NRCAM: variants seen among roughly 807,000 people sequenced by gnomAD.
The protein encoded by NRCAM is NgCAM-related cell adhesion molecule.
NRCAM carries 83 observed loss-of-function variants against 156.5 expected under a neutral mutation model. The observed-to-expected ratio is 0.53, with a 90% CI of 0.44 to 0.64. The LOEUF (loss-of-function observed/expected upper bound fraction) is 0.64, where lower values mean the gene tolerates loss of function less well. NRCAM is among the 30% of genes least tolerant of loss of function. The pLI, the probability that NRCAM is intolerant of heterozygous loss-of-function variation, is 0.00. For synonymous variants in NRCAM, 538 were observed against 563.9 expected (o/e 0.95, Z 0.65); for missense variants, 1,417 against 1,597.3 (o/e 0.89, Z 1.92).
At chr7:108,296,497 G>A (rs1466186048) in intron 3 of NRCAM, among the ~76,000 whole-genome samples, 1 of 151,982 alleles carries the variant, frequency 6.6e-6, no homozygotes, top group Non-Finnish European at 1.5e-5. Flanking sequence ...TGAAGCAGTA[G>A]CAACTCAATA....
intron 3 of NRCAM, among the ~76,000 whole-genome samples, chr7:108,244,157 A>G (rs916615143): frequency 6.6e-6 from 1 of 152,134 alleles, no homozygotes; most frequent in African/African-American, 2.4e-5. Flanking sequence ...CCAGAATTTG[A>G]AGGCCACGCA....
intron 11 of NRCAM, among the ~76,000 whole-genome samples, chr7:108,214,892 C>A (rs2153626375): frequency 6.6e-6 from 1 of 152,250 alleles, no homozygotes; most frequent in African/African-American, 2.4e-5. Flanking sequence ...GATCAGTTTC[C>A]ATGTAGTTGT....
chr7:108,215,184 T>C (rs889262106), intron 11 of NRCAM, among the ~76,000 whole-genome samples: 4 of 151,828 alleles, frequency 2.6e-5, no homozygotes, highest in East Asian at 3.9e-4. Context: ...TGTCTAATAT[T>C]GACAGCAGGG....
At chr7:108,341,542 G>A (rs1407727480) in intron 2 of NRCAM, among the ~76,000 whole-genome samples, 1 of 152,076 alleles carries the variant, frequency 6.6e-6, no homozygotes, top group Admixed American at 6.5e-5. Context: ...CAAAAGCAGG[G>A]GCCATTATAC....
chr7:108,175,283 T>A, intron 28 of NRCAM, 39 bp downstream of exon 28: 1 of 1,533,016 alleles, frequency 6.5e-7, no homozygotes, highest in Non-Finnish European at 8.8e-7. Flanking sequence ...CATTGCAAAT[T>A]TCACACATGT....
At chr7:108,222,393 T>C (rs2092570392) in intron 11 of NRCAM, among the ~76,000 whole-genome samples, 1 of 152,336 alleles carries the variant, frequency 6.6e-6, no homozygotes, top group Admixed American at 6.5e-5. Flanking sequence ...TATTGTGAAA[T>C]TTCCAAATAC....
chr7:108,424,607 T>G (rs1814575276), intron 1 of NRCAM, among the ~76,000 whole-genome samples: 1 of 152,080 alleles, frequency 6.6e-6, no homozygotes, highest in African/African-American at 2.4e-5. Flanking sequence ...TAAAACTGAA[T>G]GTAGGTTAGT....
At chr7:108,430,085 TG>T (rs201085161) in intron 1 of NRCAM, among the ~76,000 whole-genome samples, 1 of 151,976 alleles carries the variant, frequency 6.6e-6, no homozygotes, top group Admixed American at 6.6e-5. Context: ...AGAGCTGAGT[TG>T]GGGGGTGCAC....
chr7:108,267,060 GT>G (rs1366154882), intron 3 of NRCAM, among the ~76,000 whole-genome samples: 34 of 152,168 alleles, frequency 2.2e-4, no homozygotes, highest in Admixed American at 2.2e-3. Context: ...CCAATAGGGT[GT>G]TATAAAGAGG....
intron 2 of NRCAM, among the ~76,000 whole-genome samples, chr7:108,318,804 G>A (rs1392578688): frequency 1.3e-5 from 2 of 152,168 alleles, no homozygotes; most frequent in Admixed American, 6.5e-5. Flanking sequence ...CCTAGCCCTG[G>A]AACAGCCTCC....
intron 7 of NRCAM, among the ~76,000 whole-genome samples, 183 bp downstream of exon 7, chr7:108,232,143 C>T (rs1410226830): frequency 1.3e-5 from 2 of 151,948 alleles, no homozygotes; most frequent in Admixed American, 6.6e-5. Flanking sequence ...ATTGGTAAAG[C>T]ATTGGACTAA....
At position 108,148,583 on chromosome 7, in the gene NRCAM, T is replaced by G. The variant is rs2039873349; in HGVS notation, c.*1327A>C. On this transcript the variant is annotated 3_prime_UTR_variant, in exon 33 of 33. Coordinates refer to ENST00000379028, the MANE Select transcript of NRCAM (RefSeq NM_001037132.4). ...CTTTTTAAACTGCAGATGTAATCCC[T>G]TGGACCGTTGGCCTTTTAAGCACTT... 2 of 152,678 alleles carry G rather than the reference T, an allele frequency of 1.3e-5. No homozygotes were observed. The highest frequency in any genetic ancestry group is 4.8e-5 in the African/African-American group (2 of 41,468). 9.5% of individuals were successfully genotyped at this position (152,678 alleles called of 1,614,324 possible). A position where few individuals can be genotyped will look rare whatever the true frequency, so the allele number is the denominator to read the frequency against.
intron 32 of NRCAM, among the ~76,000 whole-genome samples, chr7:108,158,826 T>A (rs906225825): frequency 2.2e-4 from 33 of 152,314 alleles, no homozygotes; most frequent in African/African-American, 7.2e-4. Context: ...TTTATCTTTG[T>A]TTAAAGAGAA....
intron 10 of NRCAM, 31 bp downstream of exon 10, chr7:108,225,614 G>C (rs1167493651): frequency 7.4e-7 from 1 of 1,351,372 alleles, no homozygotes; most frequent in African/African-American, 1.4e-5. Flanking sequence ...CAATGAAGGA[G>C]AGAATATCAG....
chr7:108,348,067 A>G (rs779304512), intron 2 of NRCAM, among the ~76,000 whole-genome samples: 6 of 152,240 alleles, frequency 3.9e-5, no homozygotes, highest in African/African-American at 4.8e-5. Context: ...TGCCCCAAAT[A>G]CGCAGGTAAG....
chr7:108,202,509 C>G (rs149336315), intron 13 of NRCAM, among the ~76,000 whole-genome samples: 19 of 152,292 alleles, frequency 1.2e-4, no homozygotes, highest in African/African-American at 4.1e-4. Flanking sequence ...CTCAGTTAGT[C>G]AACTTTGTAA....
At position 108,221,730 on chromosome 7, in the gene NRCAM, G is replaced by T. The variant is rs534641013; in HGVS notation, c.890+1995C>A. On this transcript the variant is annotated intron_variant, in intron 11 of 32. Coordinates refer to ENST00000379028, the MANE Select transcript of NRCAM (RefSeq NM_001037132.4). ...GGTGGAGGAGTGTTGAGGGACAAAA[G>T]ACTACAAATAGAGTACAGCGTATAT... 4.6e-5 allele frequency among the ~76,000 whole-genome samples: 7 copies of T among 152,224 alleles called. No homozygotes were observed. In the South Asian group the frequency reaches 1.5e-3, roughly 32 times the overall value.
chr7:108,346,710 C>G (rs1358285986), intron 2 of NRCAM, among the ~76,000 whole-genome samples: 1 of 152,122 alleles, frequency 6.6e-6, no homozygotes, highest in Non-Finnish European at 1.5e-5. Context: ...AGCCAGGGTA[C>G]AGACAGGCTC....
chr7:108,408,388 G>A (rs559505507), intron 1 of NRCAM, among the ~76,000 whole-genome samples: 1 of 152,194 alleles, frequency 6.6e-6, no homozygotes, highest in Admixed American at 6.5e-5. Context: ...GGCCCTATTT[G>A]GTGGTCATGG....
Sources: allele counts gnomAD v4.1 joint callset (sites outside exome capture counted in the v4.1 genomes callset), GRCh38; gene constraint gnomAD v4.1.1; transcripts MANE v1.5; gene names NCBI Gene and HGNC (gene_info 2026-07-23, HGNC 2026-07-21).